Variants in CACNA2D3 observed in about 807,000 individuals in gnomAD.
CACNA2D3 encodes calcium voltage-gated channel auxiliary subunit alpha2delta 3.
A neutral mutation model predicts 160.6 loss-of-function variants in CACNA2D3; 60 were observed. The observed-to-expected ratio is 0.37, with a 90% CI of 0.30 to 0.46. The LOEUF is 0.46. CACNA2D3 is among the 20% of genes least tolerant of loss of function. The pLI is 1.00. For synonymous variants in CACNA2D3, 558 were observed against 492.9 expected, an observed-to-expected ratio of 1.13 and a Z score of -1.75; for missense variants, 1,205 against 1,365.0, an observed-to-expected ratio of 0.88 and a Z score of 1.85.
At chr3:54,514,665 G>C (rs1231928883) in intron 5 of CACNA2D3, among the ~76,000 whole-genome samples, 1 of 152,148 alleles carries the variant, frequency 6.6e-6, no homozygotes, top group African/African-American at 2.4e-5. Flanking sequence ...GTATCCCACA[G>C]CAGCTCAGCC....
intron 11 of CACNA2D3, among the ~76,000 whole-genome samples, chr3:54,709,364 CT>C (rs1305743681): frequency 4.9e-4 from 33 of 67,952 alleles, no homozygotes; most frequent in Non-Finnish European, 3.5e-4. Flanking sequence ...CTCTCTCTCT[CT>C]TTTTTTTTTT....
chr3:54,980,638 T>C (rs1284758451), intron 29 of CACNA2D3, among the ~76,000 whole-genome samples: 1 of 152,190 alleles, frequency 6.6e-6, no homozygotes, highest in Non-Finnish European at 1.5e-5. Context: ...ATGTACTAGG[T>C]GCCGAGCCTA....
At chr3:54,614,286 T>C (rs922910035) in intron 9 of CACNA2D3, among the ~76,000 whole-genome samples, 1 of 152,180 alleles carries the variant, frequency 6.6e-6, no homozygotes, top group Non-Finnish European at 1.5e-5. Flanking sequence ...GAGGATAGAA[T>C]TTGAATTCTC....
intron 4 of CACNA2D3, among the ~76,000 whole-genome samples, chr3:54,481,286 G>C (rs1700928341): frequency 6.6e-6 from 1 of 152,184 alleles, no homozygotes. Context: ...ACTCCCCTCT[G>C]ATGTTTCATT....
chr3:54,661,866 G>T (rs1316631103), intron 11 of CACNA2D3, among the ~76,000 whole-genome samples: 3 of 150,410 alleles, frequency 2.0e-5, no homozygotes, highest in African/African-American at 7.4e-5. Context: ...GTGTGTGTGT[G>T]TGTGTGTGTG....
At chr3:54,692,851 A>C (rs760409422) in intron 11 of CACNA2D3, among the ~76,000 whole-genome samples, 34 of 152,206 alleles carry the variant, frequency 2.2e-4, no homozygotes, top group Non-Finnish European at 4.0e-4. Context: ...TGTTCAACTC[A>C]AAAGTGGTAA....
At chr3:55,030,062 T>C (rs1703656277) in intron 35 of CACNA2D3, among the ~76,000 whole-genome samples, 1 of 152,210 alleles carries the variant, frequency 6.6e-6, no homozygotes, top group Admixed American at 6.5e-5. Flanking sequence ...CTCTTCATCT[T>C]ATTTTTCCCC....
intron 2 of CACNA2D3, among the ~76,000 whole-genome samples, chr3:54,263,722 C>G (rs1334025558): frequency 6.6e-6 from 1 of 152,140 alleles, no homozygotes; most frequent in African/African-American, 2.4e-5. Flanking sequence ...GTGGTGGATT[C>G]TGCGCTAGAC....
intron 16 of CACNA2D3, among the ~76,000 whole-genome samples, chr3:54,842,674 C>T (rs560843719): frequency 9.4e-5 from 14 of 149,130 alleles, no homozygotes; most frequent in African/African-American, 3.5e-4. Flanking sequence ...GATCTTGGCT[C>T]ACTGCAACCT....
At chr3:54,690,978 C>G in intron 11 of CACNA2D3, among the ~76,000 whole-genome samples, 1 of 151,998 alleles carries the variant, frequency 6.6e-6, no homozygotes, top group East Asian at 1.9e-4. Flanking sequence ...TGGTGTGTGG[C>G]CTACAAATGG....
At chr3:54,499,784 A>G (rs1701259332) in intron 4 of CACNA2D3, among the ~76,000 whole-genome samples, 2 of 151,950 alleles carry the variant, frequency 1.3e-5, no homozygotes, top group Non-Finnish European at 2.9e-5. Context: ...GTTTGTGAAG[A>G]TGTGTTTTAG....
chr3:54,575,531 C>T (rs114093919), intron 8 of CACNA2D3, among the ~76,000 whole-genome samples: 20 of 152,254 alleles, frequency 1.3e-4, no homozygotes, highest in African/African-American at 4.8e-4. Flanking sequence ...GAGTGCTCTG[C>T]ATTAAGCATT....
chr3:54,163,753 T>G (rs1401306381), intron 2 of CACNA2D3, among the ~76,000 whole-genome samples: 1 of 151,984 alleles, frequency 6.6e-6, no homozygotes, highest in Admixed American at 6.6e-5. Flanking sequence ...GCAAGGACAG[T>G]GAGGAGGGAG....
intron 2 of CACNA2D3, among the ~76,000 whole-genome samples, chr3:54,230,935 G>T (rs1701757777): frequency 6.6e-6 from 1 of 152,068 alleles, no homozygotes; most frequent in African/African-American, 2.4e-5. Context: ...GTGTAAATGG[G>T]GTCTATCGCC....
At chr3:54,158,237 G>A (rs985191511) in intron 2 of CACNA2D3, among the ~76,000 whole-genome samples, 1 of 152,190 alleles carries the variant, frequency 6.6e-6, no homozygotes, top group African/African-American at 2.4e-5. Context: ...AGGTCACCCT[G>A]GGTGCAGCCA....
chr3:54,318,154 T>C lies in CACNA2D3; in HGVS notation c.205-2288T>C, dbSNP rs191783676. On this transcript the variant is annotated intron_variant, in intron 2 of 37. Coordinates refer to ENST00000474759, the MANE Select transcript of CACNA2D3 (RefSeq NM_018398.3). The stretch of plus-strand genomic sequence containing the variant: ...AATCTTTTGTGTCTGCTGTGGGCTG[T>C]GGCAGCAACCACAAGGACCTGTCCT... Among the ~76,000 whole-genome samples, 133 of 152,192 alleles carry C rather than the reference T, an allele frequency of 8.7e-4. 1 individual carries two copies. The highest frequency in any genetic ancestry group is 1.3e-3 in the Non-Finnish European group (85 of 67,994).
intron 2 of CACNA2D3, among the ~76,000 whole-genome samples, chr3:54,189,159 C>T (rs558591836): frequency 6.6e-6 from 1 of 152,352 alleles, no homozygotes; most frequent in East Asian, 1.9e-4. Context: ...CCAATCTTTT[C>T]ATTTCTACTT....
At chr3:54,808,131 A>G (rs973514572) in intron 13 of CACNA2D3, among the ~76,000 whole-genome samples, 3 of 151,704 alleles carry the variant, frequency 2.0e-5, no homozygotes, top group African/African-American at 7.3e-5. Context: ...GGTGCAGCAC[A>G]TCAGCATGGC....
chr3:54,485,214 G>T (rs6807093), intron 4 of CACNA2D3, among the ~76,000 whole-genome samples: 147,811 of 152,298 alleles, frequency 0.97, 71,776 homozygotes, highest in Middle Eastern at 0.99. Flanking sequence ...TGGATTTGCC[G>T]TAGAATCAGG....
Sources: allele counts gnomAD v4.1 joint callset (sites outside exome capture counted in the v4.1 genomes callset), GRCh38; gene constraint gnomAD v4.1.1; transcripts MANE v1.5; gene names NCBI Gene and HGNC (gene_info 2026-07-23, HGNC 2026-07-21).